GALNT17: variants seen among roughly 807,000 people sequenced by gnomAD.
GALNT17 encodes UDP-GalNAc:polypeptide N-acetylgalactosaminyltransferase-like 3.
Under a neutral mutation model 63.7 loss-of-function variants are expected in GALNT17, and 29 were observed. The observed-to-expected ratio is 0.46, with a 90% CI of 0.34 to 0.62. The LOEUF is 0.62. Ranked by LOEUF, GALNT17 falls within the 20% of genes least tolerant of loss-of-function variation. GALNT17 has a pLI of 0.01. For synonymous variants in GALNT17, 305 were observed against 318.3 expected (o/e 0.96, Z 0.45); for missense variants, 603 against 799.6 (o/e 0.75, Z 2.97).
chr7:71,456,935 A>T (rs1035141284), intron 5 of GALNT17, among the ~76,000 whole-genome samples: 1 of 152,198 alleles, frequency 6.6e-6, no homozygotes, highest in Non-Finnish European at 1.5e-5. Context: ...GTAAGGTGGG[A>T]CAACTCGAAG....
chr7:71,353,345 C>T (rs976015818), intron 2 of GALNT17, among the ~76,000 whole-genome samples: 4 of 152,000 alleles, frequency 2.6e-5, no homozygotes, highest in African/African-American at 9.7e-5. Flanking sequence ...TGTGACCAAC[C>T]CAAGAACAAG....
intron 1 of GALNT17, among the ~76,000 whole-genome samples, chr7:71,319,884 C>T (rs1319600391): frequency 6.6e-6 from 1 of 152,164 alleles, no homozygotes; most frequent in Non-Finnish European, 1.5e-5. Flanking sequence ...CTTACTGTTT[C>T]ATGTGTCTCA....
At chr7:71,634,664 G>A (rs1790503032) in intron 6 of GALNT17, among the ~76,000 whole-genome samples, 1 of 150,338 alleles carries the variant, frequency 6.7e-6, no homozygotes, top group Admixed American at 6.7e-5. Flanking sequence ...TGAGCCAGGA[G>A]AATTGCTTGA....
intron 5 of GALNT17, among the ~76,000 whole-genome samples, chr7:71,523,591 C>T (rs1361116931): frequency 6.6e-6 from 1 of 151,474 alleles, no homozygotes. Flanking sequence ...CACGTCTCCA[C>T]AAAAACTTTA....
At chr7:71,478,487 A>T (rs1787761129) in intron 5 of GALNT17, among the ~76,000 whole-genome samples, 1 of 151,802 alleles carries the variant, frequency 6.6e-6, no homozygotes, top group Non-Finnish European at 1.5e-5. Flanking sequence ...CTAATTTTTG[A>T]ATTTTTCTAT....
intron 5 of GALNT17, among the ~76,000 whole-genome samples, chr7:71,485,209 G>A (rs186090277): frequency 7.2e-5 from 11 of 151,912 alleles, no homozygotes; most frequent in East Asian, 3.9e-4. Context: ...GGGCTCAAGC[G>A]ATCCTCCTGC....
chr7:71,540,301 G>C (rs959542056), intron 5 of GALNT17, among the ~76,000 whole-genome samples: 11 of 150,794 alleles, frequency 7.3e-5, no homozygotes, highest in Admixed American at 6.6e-5. Context: ...ATTTTTAGGA[G>C]AGACTGGATT....
At chr7:71,391,230 T>C (rs1403162122) in intron 3 of GALNT17, among the ~76,000 whole-genome samples, 1 of 152,110 alleles carries the variant, frequency 6.6e-6, no homozygotes, top group Non-Finnish European at 1.5e-5. Context: ...GAGAGGAGCA[T>C]GAACTGCAGA....
At chr7:71,157,179 G>A (rs1237936587) in intron 1 of GALNT17, among the ~76,000 whole-genome samples, 1 of 151,848 alleles carries the variant, frequency 6.6e-6, no homozygotes, top group Non-Finnish European at 1.5e-5. Context: ...AAGCTTTAAA[G>A]TCTTCATATC....
intron 5 of GALNT17, among the ~76,000 whole-genome samples, chr7:71,422,985 G>A (rs1004040965): frequency 1.3e-5 from 2 of 152,084 alleles, no homozygotes. Flanking sequence ...ACCCCTGGCC[G>A]AACTCCCCTC....
At position 71,244,466 on chromosome 7, in the gene GALNT17, A is replaced by G. The variant is rs114262982; in HGVS notation, c.239-91084A>G. On this transcript the variant is annotated intron_variant, in intron 1 of 10. Transcript: ENST00000333538. ...TGGAGACACACAGATCTGAGTTTGA[A>G]CCTCAACTCTGCCCTTTATTAGTTG... is the stretch of plus-strand genomic sequence containing the variant. Among the ~76,000 whole-genome samples, 461 of 152,022 alleles carry G rather than the reference A, an allele frequency of 3.0e-3. 4 individuals are homozygous for G. The highest frequency in any genetic ancestry group is 0.011 in the African/African-American group (442 of 41,436).
At chr7:71,420,363 C>A (rs926746374) in intron 4 of GALNT17, among the ~76,000 whole-genome samples, 1 of 151,994 alleles carries the variant, frequency 6.6e-6, no homozygotes, top group African/African-American at 2.4e-5. Flanking sequence ...TCAATTAAAT[C>A]ATCAATTAAA....
intron 5 of GALNT17, among the ~76,000 whole-genome samples, chr7:71,518,717 G>C (rs752192841): frequency 2.2e-4 from 34 of 152,116 alleles, no homozygotes; most frequent in Non-Finnish European, 4.6e-4. Flanking sequence ...TGGATGTTCT[G>C]AACAACACAT....
chr7:71,204,739 TTTTTTG>T (rs1430618848), intron 1 of GALNT17, among the ~76,000 whole-genome samples: 2 of 151,828 alleles, frequency 1.3e-5, no homozygotes, highest in African/African-American at 2.4e-5. Context: ...CTACTTTGTT[TTTTTTG>T]TTTTTGTTTT....
chr7:71,413,962 C>T (rs1370088720), intron 3 of GALNT17, among the ~76,000 whole-genome samples: 2 of 152,072 alleles, frequency 1.3e-5, no homozygotes, highest in East Asian at 1.9e-4. Context: ...ATTTTGGTGG[C>T]CAGGCACAGT....
chr7:71,483,809 A>T (rs902952283), intron 5 of GALNT17, among the ~76,000 whole-genome samples: 1 of 152,232 alleles, frequency 6.6e-6, no homozygotes, highest in African/African-American at 2.4e-5. Context: ...AACACATTGT[A>T]CAGCTGTACA....
chr7:71,520,156 G>A (rs925456228), intron 5 of GALNT17, among the ~76,000 whole-genome samples: 3 of 152,090 alleles, frequency 2.0e-5, no homozygotes, highest in African/African-American at 4.8e-5. Flanking sequence ...TATGTATGGC[G>A]TCTCATGGGG....
At chr7:71,409,986 G>A (rs968175538) in intron 3 of GALNT17, among the ~76,000 whole-genome samples, 1 of 152,166 alleles carries the variant, frequency 6.6e-6, no homozygotes, top group Non-Finnish European at 1.5e-5. Context: ...GGGTCCTTCA[G>A]ACCAGCTGAT....
intron 1 of GALNT17, among the ~76,000 whole-genome samples, chr7:71,157,315 A>T (rs1270812043): frequency 1.3e-5 from 2 of 151,926 alleles, no homozygotes; most frequent in Non-Finnish European, 2.9e-5. Flanking sequence ...GAGATGTCTG[A>T]TAAATTCCTG....
Sources: gnomAD v4.1 joint callset for allele counts (sites outside exome capture counted in the v4.1 genomes callset) on GRCh38, gnomAD v4.1.1 for gene constraint, MANE v1.5 for transcripts, NCBI Gene and HGNC (gene_info 2026-07-23, HGNC 2026-07-21) for gene names.